LTF: variants seen among roughly 807,000 people sequenced by gnomAD.
The protein encoded by LTF is epididymis luminal protein 110.
Under a neutral mutation model 87.2 loss-of-function variants are expected in LTF, and 91 were observed. The ratio of observed to expected loss-of-function variants is 1.04; its 90% CI spans 0.88 to 1.24. LTF has a LOEUF of 1.24. LTF is among the 50% of genes most tolerant of loss of function. LTF has a pLI of 0.00. For missense variants in LTF, 901 were observed against 904.3 expected, an observed-to-expected ratio of 1.00 and a Z score of 0.05; for synonymous variants, 378 against 356.1, an observed-to-expected ratio of 1.06 and a Z score of -0.69.
chr3:46,472,595 A>G (rs1382051031), intron 1 of LTF, among the ~76,000 whole-genome samples: 1 of 150,780 alleles, frequency 6.6e-6, no homozygotes, highest in Non-Finnish European at 1.5e-5. Context: ...GCAGTGGCAC[A>G]GTATAGCTCA....
At chr3:46,483,973 A>G (rs1703484260) in intron 1 of LTF, among the ~76,000 whole-genome samples, 1 of 152,154 alleles carries the variant, frequency 6.6e-6, no homozygotes, top group South Asian at 2.1e-4. Flanking sequence ...CCCCAGCAGG[A>G]AGGCATACAA....
At chr3:46,470,032 C>A (rs1166952558) in intron 2 of LTF, among the ~76,000 whole-genome samples, 1 of 152,200 alleles carries the variant, frequency 6.6e-6, no homozygotes, top group Non-Finnish European at 1.5e-5. Context: ...AGGGACAGCC[C>A]TCCTGGGGCT....
intron 15 of LTF, among the ~76,000 whole-genome samples, chr3:46,438,934 T>A (rs375411146): frequency 6.6e-6 from 1 of 152,112 alleles, no homozygotes; most frequent in Admixed American, 6.5e-5. Context: ...TCAGGAAATG[T>A]CACCTGAGTA....
At chr3:46,446,393 C>T in intron 11 of LTF, 47 bp downstream of exon 11, 1 of 1,520,140 alleles carries the variant, frequency 6.6e-7, no homozygotes, top group Non-Finnish European at 9.1e-7. Flanking sequence ...CCTCTTCCAG[C>T]AACAAGAACT....
chr3:46,466,489 G>C (rs1036387589), upstream of LTF, among the ~76,000 whole-genome samples: 1 of 152,230 alleles, frequency 6.6e-6, no homozygotes, highest in African/African-American at 2.4e-5. Flanking sequence ...TGGGCACCTA[G>C]CCATGGAGAA....
intron 1 of LTF, among the ~76,000 whole-genome samples, chr3:46,481,719 C>G (rs778887023): frequency 1.2e-4 from 18 of 152,228 alleles, no homozygotes; most frequent in South Asian, 4.1e-4. Context: ...CCATTGCACT[C>G]CAGCCTGGGA....
intron 1 of LTF, among the ~76,000 whole-genome samples, chr3:46,471,183 C>T (rs1703280679): frequency 6.6e-6 from 1 of 152,126 alleles, no homozygotes; most frequent in Admixed American, 6.5e-5. Context: ...GCACACACTG[C>T]CCCCAGCTGC....
intron 1 of LTF, among the ~76,000 whole-genome samples, chr3:46,475,181 AT>A (rs1422032914): frequency 3.3e-5 from 5 of 152,202 alleles, no homozygotes; most frequent in African/African-American, 1.2e-4. Context: ...TTGACAACTG[AT>A]ATGAAATTGA....
intron 7 of LTF, 117 bp downstream of exon 7, chr3:46,450,378 G>T: frequency 9.1e-7 from 1 of 1,096,608 alleles, no homozygotes; most frequent in Non-Finnish European, 1.3e-6. Flanking sequence ...ATGCATTAGT[G>T]TGCTATCCTG....
intron 1 of LTF, among the ~76,000 whole-genome samples, chr3:46,461,754 C>A (rs368669427): frequency 1.6e-5 from 2 of 124,038 alleles, no homozygotes; most frequent in Non-Finnish European, 3.1e-5. Context: ...TTGAATTGTA[C>A]GCAAATAGGT....
Position 46,449,865 on chromosome 3 carries a change from T to C in LTF, c.1046A>G (p.Asn349Ser). The C allele has an allele frequency of 6.2e-7, 1 of 1,614,006 alleles. No individual in the cohort carries two copies. Among genetic ancestry groups the C allele is most frequent in the Non-Finnish European group, 8.5e-7 (1 of 1,179,972 alleles). ...LGSGYFTAIQ[N>S]LRKSEEEVAA... ...CTGGGCTCACTCACTTTTCCTCAAG[T>C]TCTGGATGGCAGTGAAGTAGCCGGA... is the stretch of plus-strand genomic sequence containing the variant. The change falls in exon 8 of 17, where the codon AAC (asparagine) becomes AGC (serine). Residue 349 changes from asparagine (N) to serine (S), a missense_variant. Physicochemically the swap from Asn to Ser is conservative, Grantham distance 46 (BLOSUM62 1). Transcript: ENST00000231751.
chr3:46,437,755 C>T (rs1702418648), intron 16 of LTF, among the ~76,000 whole-genome samples, 185 bp downstream of exon 16: 3 of 152,186 alleles, frequency 2.0e-5, no homozygotes, highest in Admixed American at 1.3e-4. Flanking sequence ...AAATTTATTA[C>T]ATACTGCTCT....
chr3:46,446,552 A>G, intron 10 of LTF, 59 bp from the exon 11 acceptor site: 2 of 1,428,802 alleles, frequency 1.4e-6, no homozygotes, highest in South Asian at 1.2e-5. Context: ...GAGAAGCCAC[A>G]AACTCTTAAA....
chr3:46,439,392 C>T lies in LTF; in HGVS notation c.1812G>A (p.Glu604=). The T allele has an allele frequency of 6.2e-7, 1 of 1,614,248 alleles. No individual in the cohort carries two copies. The highest frequency in any genetic ancestry group is 2.2e-5 in the East Asian group (1 of 44,884). Residue 604 remains glutamate (E), a synonymous_variant, in exon 15 of 17, where the codon GAG becomes GAA. Transcript: ENST00000231751. ...CLDGKRKPVT[E]ARSCHLAMAP... Reference sequence around the variant, plus strand: ...CCATGGCAAGATGGCAGCTTCTAGCCTCAGTCACAGGCTTCCGTTTGCCAT... The same window carrying T: ...CCATGGCAAGATGGCAGCTTCTAGCTTCAGTCACAGGCTTCCGTTTGCCAT...
intron 1 of LTF, among the ~76,000 whole-genome samples, chr3:46,474,990 A>T (rs540039116): frequency 2.6e-4 from 40 of 152,358 alleles, no homozygotes; most frequent in African/African-American, 9.1e-4. Flanking sequence ...CCAAATGATT[A>T]CATTAGAGGA....
intron 1 of LTF, among the ~76,000 whole-genome samples, chr3:46,482,595 G>GAGAAAGAAAGAAAGAAGAAAGAA (rs1204541153): frequency 1.3e-4 from 10 of 78,182 alleles, no homozygotes; most frequent in Admixed American, 4.6e-4. Flanking sequence ...GAGAAAGAGA[G>GAGAAAGAAAGAAAGAAGAAAGAA]AGAAAGAAAG....
chr3:46,479,983 C>G (rs1474825807), intron 1 of LTF, among the ~76,000 whole-genome samples: 1 of 152,110 alleles, frequency 6.6e-6, no homozygotes, highest in East Asian at 1.9e-4. Flanking sequence ...GGTGTTTGGC[C>G]TGAGAAACTA....
At chr3:46,454,717 G>T (rs886428759) in intron 5 of LTF, among the ~76,000 whole-genome samples, 8 of 152,318 alleles carry the variant, frequency 5.3e-5, no homozygotes, top group African/African-American at 1.9e-4. Context: ...TGGCCAGTGG[G>T]GAAGTGTGGA....
At chr3:46,473,999 G>T (rs933057865) in intron 1 of LTF, among the ~76,000 whole-genome samples, 2 of 151,794 alleles carry the variant, frequency 1.3e-5, no homozygotes, top group Non-Finnish European at 2.9e-5. Flanking sequence ...CATCAAAATG[G>T]AATTCTAAAA....
Sources: gnomAD v4.1 joint callset for allele counts (sites outside exome capture counted in the v4.1 genomes callset) on GRCh38, gnomAD v4.1.1 for gene constraint, MANE v1.5 for transcripts, NCBI Gene and HGNC (gene_info 2026-07-23, HGNC 2026-07-21) for gene names.